The following DPP10 variants were observed in gnomAD, a reference collection of about 807,000 sequenced individuals.
DPP10 encodes the protein dipeptidyl peptidase like 10, also known as inactive dipeptidyl peptidase 10.
Under a neutral mutation model 120.9 loss-of-function variants are expected in DPP10, and 33 were observed. The ratio of observed to expected loss-of-function variants is 0.27; its 90% confidence interval spans 0.21 to 0.37. The LOEUF (loss-of-function observed/expected upper bound fraction) is 0.37. Among genes scored for constraint, DPP10 ranks in the 10% least tolerant of loss-of-function variants. The probability of loss-of-function intolerance (pLI) is 1.00; values close to 1 mark genes in which losing one functional copy is unlikely to be tolerated. For synonymous variants in DPP10, 337 were observed against 326.1 expected (o/e 1.03, Z -0.36); for missense variants, 816 against 942.8 (o/e 0.87, Z 1.76).
chr2:114,470,174 A>C (rs2104610971), intron 1 of DPP10, among the ~76,000 whole-genome samples: 1 of 152,322 alleles, frequency 6.6e-6, no homozygotes, highest in East Asian at 1.9e-4. Context: ...GAACCGTCAA[A>C]ACCATTGCTG....
intron 1 of DPP10, among the ~76,000 whole-genome samples, chr2:115,263,835 C>G (rs1407665224): frequency 2.0e-5 from 3 of 152,058 alleles, no homozygotes; most frequent in Non-Finnish European, 2.9e-5. Flanking sequence ...GGATTTGAAA[C>G]TTTATTTTTT....
At chr2:114,959,376 G>T (rs1430309517) in intron 1 of DPP10, among the ~76,000 whole-genome samples, 3 of 152,018 alleles carry the variant, frequency 2.0e-5, no homozygotes. Flanking sequence ...TATATTTCCA[G>T]GTTCATCCAT....
intron 1 of DPP10, among the ~76,000 whole-genome samples, chr2:114,645,387 G>T (rs1463237781): frequency 6.6e-6 from 1 of 152,130 alleles, no homozygotes; most frequent in Admixed American, 6.5e-5. Context: ...CATGGATTTT[G>T]GGAAAACTTT....
chr2:115,548,116 G>T (rs1000587054), intron 5 of DPP10, among the ~76,000 whole-genome samples: 13 of 152,138 alleles, frequency 8.5e-5, no homozygotes, highest in African/African-American at 2.2e-4. Flanking sequence ...TTAGAAAGCC[G>T]TATAGAAAAT....
chr2:115,315,179 G>A (rs1159866579), intron 2 of DPP10, among the ~76,000 whole-genome samples: 2 of 138,558 alleles, frequency 1.4e-5, no homozygotes, highest in Admixed American at 1.6e-4. Flanking sequence ...TGTTCCTATT[G>A]TTAAGACAAC....
chr2:115,807,265 T>G (rs1388827626), intron 19 of DPP10, among the ~76,000 whole-genome samples: 3 of 152,218 alleles, frequency 2.0e-5, no homozygotes, highest in African/African-American at 7.2e-5. Context: ...TTGAACAATT[T>G]CTGGCTAGGA....
intron 19 of DPP10, among the ~76,000 whole-genome samples, chr2:115,792,151 A>G (rs1684058327): frequency 6.6e-6 from 1 of 152,118 alleles, no homozygotes; most frequent in African/African-American, 2.4e-5. Context: ...CTGGGTTCAT[A>G]TTCTAGTTTT....
intron 1 of DPP10, among the ~76,000 whole-genome samples, chr2:114,838,674 A>C (rs1687926780): frequency 1.3e-5 from 2 of 152,012 alleles, no homozygotes; most frequent in South Asian, 4.1e-4. Context: ...ATACCCTCCA[A>C]TTTCTCCCTA....
chr2:115,402,852 A>ATATATATATATATAT (rs70941056), intron 3 of DPP10, among the ~76,000 whole-genome samples: 3 of 56,948 alleles, frequency 5.3e-5, no homozygotes, highest in African/African-American at 1.6e-4. Flanking sequence ...GAAAAAAAAA[A>ATATATATATATATAT]AAATATATAT....
At chr2:114,502,129 T>A (rs917684872) in intron 1 of DPP10, among the ~76,000 whole-genome samples, 1 of 137,940 alleles carries the variant, frequency 7.2e-6, no homozygotes, top group Non-Finnish European at 1.6e-5. Context: ...ATTTATTTTA[T>A]TTTTTTAGTA....
chr2:115,782,902 A>C (rs1480479916), intron 17 of DPP10, among the ~76,000 whole-genome samples: 3 of 152,104 alleles, frequency 2.0e-5, no homozygotes, highest in African/African-American at 7.2e-5. Context: ...GTTTGTTAAG[A>C]GATCACCTAC....
chr2:115,277,983 T>G (rs2059988546), intron 1 of DPP10, among the ~76,000 whole-genome samples: 1 of 152,190 alleles, frequency 6.6e-6, no homozygotes, highest in South Asian at 2.1e-4. Context: ...GTATCCCTGA[T>G]TCACACTTAC....
At chr2:115,045,014 A>G (rs149793543) in intron 1 of DPP10, among the ~76,000 whole-genome samples, 12 of 152,202 alleles carry the variant, frequency 7.9e-5, no homozygotes, top group African/African-American at 2.6e-4. Context: ...TTATCCATTC[A>G]TCTGTTGATG....
chr2:115,323,691 G>C (rs1347291710), intron 2 of DPP10, among the ~76,000 whole-genome samples: 2 of 152,156 alleles, frequency 1.3e-5, no homozygotes, highest in Non-Finnish European at 2.9e-5. Flanking sequence ...TGTGTTAGCA[G>C]GCATGAAAAC....
chr2:115,594,368 A>G (rs2082863659), intron 5 of DPP10, among the ~76,000 whole-genome samples: 1 of 152,204 alleles, frequency 6.6e-6, no homozygotes, highest in South Asian at 2.1e-4. Flanking sequence ...TTACAAGAGT[A>G]TATTTACTCA....
chr2:115,089,186 G>A (rs1709034416), intron 1 of DPP10, among the ~76,000 whole-genome samples: 1 of 151,548 alleles, frequency 6.6e-6, no homozygotes, highest in Non-Finnish European at 1.5e-5. Context: ...TTGTTTTTCT[G>A]AACATACCTA....
chr2:115,784,690 C>T (rs1395612555), intron 17 of DPP10, among the ~76,000 whole-genome samples: 3 of 152,024 alleles, frequency 2.0e-5, no homozygotes, highest in Admixed American at 1.3e-4. Context: ...TGCATCACCA[C>T]GCCCAGCTAA....
intron 2 of DPP10, among the ~76,000 whole-genome samples, chr2:115,327,705 A>G (rs1009286846): frequency 2.6e-5 from 4 of 152,066 alleles, no homozygotes; most frequent in African/African-American, 4.8e-5. Context: ...GATAACCATC[A>G]TATTTCGTAT....
At chr2:115,018,707 G>T (rs2105155724) in intron 1 of DPP10, among the ~76,000 whole-genome samples, 1 of 152,168 alleles carries the variant, frequency 6.6e-6, no homozygotes, top group East Asian at 1.9e-4. Flanking sequence ...ACTAGAGCCT[G>T]TTGGGGGTGT....
Sources: allele counts gnomAD v4.1 joint callset (sites outside exome capture counted in the v4.1 genomes callset), GRCh38; gene constraint gnomAD v4.1.1; transcripts MANE v1.5; gene names NCBI Gene and HGNC (gene_info 2026-07-23, HGNC 2026-07-21).